CNTN2: variants seen among roughly 807,000 people sequenced by gnomAD.
The protein encoded by CNTN2 is contactin 2, also known as contactin-2.
In CNTN2, 53 loss-of-function variants were observed where a neutral mutation model predicts 117.5. The ratio of observed to expected loss-of-function variants is 0.45; its 90% CI spans 0.36 to 0.57. The LOEUF (loss-of-function observed/expected upper bound fraction) is 0.57, where lower values mean the gene tolerates loss of function less well. CNTN2 is among the 20% of genes least tolerant of loss of function. The probability of loss-of-function intolerance (pLI) is 0.00; values close to 1 mark genes in which losing one functional copy is unlikely to be tolerated. For missense variants in CNTN2, 1,106 were observed against 1,404.3 expected (o/e 0.79, Z 3.39); for synonymous variants, 530 against 561.7 (o/e 0.94, Z 0.80).
rs756487601 is a variant in CNTN2, at chr1:205,073,261, C to G, written c.3013+25C>G. The G allele has an allele frequency of 1.9e-6, 3 of 1,610,434 alleles. No homozygotes were observed. The highest frequency in any genetic ancestry group is 2.5e-6 in the Non-Finnish European group (3 of 1,177,706). Reference sequence around the variant, plus strand: ...GGTGCTGCTCCTCCCCTACCCTTATCCCCTCGAGAGATTCAGGATCCACCC... The same window carrying G: ...GGTGCTGCTCCTCCCCTACCCTTATGCCCTCGAGAGATTCAGGATCCACCC... On this transcript the variant is annotated intron_variant, in intron 22 of 22. Transcript: ENST00000331830. This position sits in a 1 kb window ranked among gnomAD's most constrained non-coding sequence, Gnocchi z 6.3.
At position 205,050,936 on chromosome 1, in the gene CNTN2, G is replaced by T. The variant is rs117153375; in HGVS notation, c.-86-2164G>T. On this transcript the variant is annotated intron_variant, in intron 1 of 22. Coordinates refer to ENST00000331830, the MANE Select transcript of CNTN2 (RefSeq NM_005076.5). ...GCCCGGCCTTCTGAGTACGTTGAAG[G>T]TGGGCTAGGCTAAGCTATGATGTTC... 1.6e-3 allele frequency among the ~76,000 whole-genome samples: 241 copies of T among 152,328 alleles called. 9 individuals are homozygous for T. The East Asian group carries it at 0.039, about 24-fold the overall frequency.
In CNTN2 at chr1:205,073,084, A is replaced by G. The variant is rs767209651; in HGVS notation, c.2861A>G (p.Asp954Gly). The stretch of plus-strand genomic sequence containing the variant: ...TTCCCACAGATGCTGTACCAGAATG[A>G]CTTACACCTGACTCCCACGCTCCAC... ...VTGYKMLYQN[D>G]LHLTPTLHLT... The change falls in exon 22 of 23, where the codon GAC becomes GGC. Residue 954 changes from aspartate (D) to glycine (G), a missense_variant. Coordinates refer to ENST00000331830, the MANE Select transcript of CNTN2 (RefSeq NM_005076.5). The surrounding 1 kb of genome is among the most constrained non-coding windows in gnomAD (Gnocchi z 6.3). 1 of 1,614,088 alleles carries G rather than the reference A, an allele frequency of 6.2e-7. No individual in the cohort carries two copies. The highest frequency in any genetic ancestry group is 2.2e-5 in the East Asian group (1 of 44,880).
Position 205,061,577 on chromosome 1 carries a change from GA to G in CNTN2, c.973+158del. On this transcript the variant is annotated intron_variant, in intron 8 of 22. Coordinates refer to ENST00000331830, the MANE Select transcript of CNTN2 (RefSeq NM_005076.5). The surrounding 1 kb of genome is among the most constrained non-coding windows in gnomAD (Gnocchi z 4.8). ...GACTGCACTGAGTCTGGGACCAGAG[GA>G]GGCTAGTGCTGTGGTCACCTCAGAG... The G allele has an allele frequency of 1.1e-6, 1 of 923,464 alleles. No homozygotes were observed. The highest frequency in any genetic ancestry group is 1.6e-6 in the Non-Finnish European group (1 of 635,016). 57.2% of individuals were successfully genotyped at this position (923,464 alleles called of 1,614,324 possible).
chr1:205,059,244 C>T lies in CNTN2; in HGVS notation c.648C>T (p.Ser216=), dbSNP rs1307519792. Residue 216 remains serine (S), a synonymous_variant, in exon 6 of 23, where the codon TCC becomes TCT. Coordinates refer to ENST00000331830, the MANE Select transcript of CNTN2 (RefSeq NM_005076.5). The surrounding 1 kb of genome is among the most constrained non-coding windows in gnomAD (Gnocchi z 5.6). ...SCLATSHMDF[S]TKSVFSKFAQ... ...TGGCCACCAGCCACATGGACTTCTC[C>T]ACCAAGAGCGTCTTCAGCAAGTTTG... 1.2e-6 allele frequency: 2 copies of T among 1,614,202 alleles called. No homozygotes were observed.
chr1:205,051,596 G>A (rs570775324), intron 1 of CNTN2, among the ~76,000 whole-genome samples: 14 of 152,228 alleles, frequency 9.2e-5, no homozygotes, highest in African/African-American at 3.4e-4. Flanking sequence ...GGGTGGAGGA[G>A]GGAGTGCCAT....
chr1:205,071,668 G>A (rs928904760), intron 19 of CNTN2, among the ~76,000 whole-genome samples: 4 of 152,160 alleles, frequency 2.6e-5, no homozygotes, highest in African/African-American at 9.7e-5. Context: ...AAATGAAATG[G>A]GTTCCAGCAG....
Position 205,065,695 on chromosome 1 carries a change from G to T in CNTN2, c.1696-94G>T. The T allele has an allele frequency of 1.3e-6, 2 of 1,581,650 alleles. No individual in the cohort carries two copies. Among genetic ancestry groups the T allele is most frequent in the Non-Finnish European group, 8.6e-7 (1 of 1,160,122 alleles). Reference sequence around the variant, plus strand: ...TGGGGTCCATGGATGTCATGGAGTAGGGGACTCCCAAGCGCTGCCTCATGT... The same window carrying T: ...TGGGGTCCATGGATGTCATGGAGTATGGGACTCCCAAGCGCTGCCTCATGT... On this transcript the variant is annotated intron_variant, in intron 13 of 22. Transcript: ENST00000331830. This position sits in a 1 kb window ranked among gnomAD's most constrained non-coding sequence, Gnocchi z 4.1.
rs371453407 is a variant in CNTN2 at position 205,073,115 on chromosome 1, C to T, written c.2892C>T (p.Thr964=). The T allele has an allele frequency of 1.9e-5, 30 of 1,614,126 alleles. No individual in the cohort carries two copies. The highest frequency in any genetic ancestry group is 5.3e-5 in the African/African-American group (4 of 75,042). The change falls in exon 22 of 23, where the codon ACC becomes ACT. Residue 964 remains threonine, a synonymous_variant. Transcript: ENST00000331830. This position sits in a 1 kb window ranked among gnomAD's most constrained non-coding sequence, Gnocchi z 6.3. ...ACCTGACTCCCACGCTCCACCTCACCGGCAAGAACTGGATAGAAATCCCAG... is the reference window on the plus strand; with the variant it reads ...ACCTGACTCCCACGCTCCACCTCACTGGCAAGAACTGGATAGAAATCCCAG... ...DLHLTPTLHL[T]GKNWIEIPVP...
upstream of CNTN2, chr1:205,042,970 C>T (rs2096434487): frequency 6.6e-6 from 1 of 152,110 alleles, no homozygotes; most frequent in Non-Finnish European, 1.5e-5. Context: ...CGCGGCCTGT[C>T]CATGAGCGGC....
Position 205,066,176 on chromosome 1 carries a change from G to C in CNTN2, c.1817-265G>C, listed in dbSNP as rs1007047444. On this transcript the variant is annotated intron_variant, in intron 14 of 22. Coordinates refer to ENST00000331830, the MANE Select transcript of CNTN2 (RefSeq NM_005076.5). ...TTTACTGAGCCCTGAAGTTTTCAAA[G>C]CCTAGTGCTGGGAGATCTATGCACC... 6.6e-6 allele frequency: 4 copies of C among 608,874 alleles called. No individual in the cohort carries two copies. The African/African-American group carries it at 7.4e-5, about 11-fold the overall frequency. 37.7% of individuals were successfully genotyped at this position (608,874 alleles called of 1,614,324 possible). A position where few individuals can be genotyped will look rare whatever the true frequency, so the allele number is the denominator to read the frequency against.
chr1:205,073,088 AC>A lies in CNTN2; in HGVS notation c.2866del (p.His956ThrfsTer2). 1 of 1,614,116 alleles carries A rather than the reference AC, an allele frequency of 6.2e-7. No individual in the cohort carries two copies. Among genetic ancestry groups the A allele is most frequent in the Non-Finnish European group, 8.5e-7 (1 of 1,179,990 alleles). On this transcript the variant is annotated frameshift_variant, in exon 22 of 23. Transcript: ENST00000331830. LOFTEE classifies it high-confidence loss of function. This position sits in a 1 kb window ranked among gnomAD's most constrained non-coding sequence, Gnocchi z 6.3. The stretch of plus-strand genomic sequence containing the variant: ...CACAGATGCTGTACCAGAATGACTT[AC>A]ACCTGACTCCCACGCTCCACCTCAC... ...GYKMLYQNDL[H>X]LTPTLHLTGK...
At chr1:205,067,384 A>G in intron 16 of CNTN2, 134 bp downstream of exon 16, 1 of 1,100,718 alleles carries the variant, frequency 9.1e-7, no homozygotes, top group Non-Finnish European at 1.3e-6. Flanking sequence ...CACAAAACAG[A>G]GGAGGACAGA....
Position 205,061,782 on chromosome 1 carries a change from T to C in CNTN2, c.974-83T>C, listed in dbSNP as rs1333415956. On this transcript the variant is annotated intron_variant, in intron 8 of 22. Coordinates refer to ENST00000331830, the MANE Select transcript of CNTN2 (RefSeq NM_005076.5). The surrounding 1 kb of genome is among the most constrained non-coding windows in gnomAD (Gnocchi z 4.8). Reference sequence around the variant, plus strand: ...GCCCTCTGCTGTCTGGCACAGGTGCTGCTGCCCTGATTTTCTGTTCCTTTT... The same window carrying C: ...GCCCTCTGCTGTCTGGCACAGGTGCCGCTGCCCTGATTTTCTGTTCCTTTT... The C allele has an allele frequency of 6.8e-7, 1 of 1,468,452 alleles. No individual in the cohort carries two copies. Among genetic ancestry groups the C allele is most frequent in the African/African-American group, 1.4e-5 (1 of 69,786 alleles). The allele number at this position is 1,468,452 out of a possible 1,614,324, so 91.0% of individuals were successfully genotyped here.
chr1:205,057,752 C>T, intron 2 of CNTN2, 169 bp from the exon 3 acceptor site: 1 of 604,180 alleles, frequency 1.7e-6, no homozygotes, highest in Non-Finnish European at 2.9e-6. Context: ...GCAATAGCCA[C>T]ATGTCAAGTG....
rs4017875 is a variant in CNTN2 at position 205,048,910 on chromosome 1, CGTGTGTGTGTGTGTGTGT to C, written c.-86-4157_-86-4140del. On this transcript the variant is annotated intron_variant, in intron 1 of 22. Coordinates refer to ENST00000331830, the MANE Select transcript of CNTN2 (RefSeq NM_005076.5). The surrounding 1 kb of genome is among the most constrained non-coding windows in gnomAD (Gnocchi z 4.1). The stretch of plus-strand genomic sequence containing the variant: ...GCTCCAGCCTTTAGCCCAGACTCTG[CGTGTGTGTGTGTGTGTGT>C]GTGTGTGTGTGTGTGTGTGTGTGTG... 1.3e-4 allele frequency among the ~76,000 whole-genome samples: 16 copies of C among 127,780 alleles called. No individual in the cohort carries two copies. The highest frequency in any genetic ancestry group is 8.4e-4 in the South Asian group (3 of 3,578). The allele number at this position is 127,780 out of a possible 152,430, so 83.8% of individuals were successfully genotyped here. A position where few individuals can be genotyped will look rare whatever the true frequency, so the allele number is the denominator to read the frequency against.
At chr1:205,070,644 G>T in intron 19 of CNTN2, 106 bp downstream of exon 19, 1 of 762,172 alleles carries the variant, frequency 1.3e-6, no homozygotes, top group Non-Finnish European at 2.2e-6. Context: ...TCCCTGGTTC[G>T]CTGACATGGC....
At chr1:205,050,278 AGTGTGTGTGT>A (rs3073631) in intron 1 of CNTN2, among the ~76,000 whole-genome samples, 101 of 145,480 alleles carry the variant, frequency 6.9e-4, no homozygotes, top group Non-Finnish European at 9.6e-4. Context: ...TAGAGCTCTG[AGTGTGTGTGT>A]GTGTGTGTGT....
rs1654715064 is a variant in CNTN2, at chr1:205,073,672, G to A, written c.3030G>A (p.Val1010=). ...TGGTTTCAGGCACAAGCATGATGGT[G>A]GAGAACATGGCAGTCCGCCCAGCAC... ...IVRNGGTSMM[V]ENMAVRPAPH... is the part of the protein sequence containing the mutation. Residue 1010 remains valine (V), a synonymous_variant, in exon 23 of 23, where the codon GTG becomes GTA. Coordinates refer to ENST00000331830, the MANE Select transcript of CNTN2 (RefSeq NM_005076.5). The surrounding 1 kb of genome is among the most constrained non-coding windows in gnomAD (Gnocchi z 6.3). The A allele has an allele frequency of 3.1e-6, 5 of 1,613,748 alleles. No individual in the cohort carries two copies. In the African/African-American group the frequency reaches 5.3e-5, roughly 17 times the overall value.
chr1:205,069,273 C>T (rs1046517159), intron 16 of CNTN2: 3 of 541,318 alleles, frequency 5.5e-6, no homozygotes, highest in Non-Finnish European at 9.9e-6. Context: ...GGTTAAGTGA[C>T]TTGCCCAGGG....
Sources: allele counts gnomAD v4.1 joint callset (sites outside exome capture counted in the v4.1 genomes callset), GRCh38; gene constraint gnomAD v4.1.1; non-coding constraint Gnocchi (gnomAD v3.1); transcripts MANE v1.5; gene names NCBI Gene and HGNC (gene_info 2026-07-23, HGNC 2026-07-21).